The following TLDC2 variants were observed in gnomAD, a reference collection of about 807,000 sequenced individuals.
TLDC2 encodes the protein TBC/LysM-associated domain containing 2, also known as TLD domain-containing protein 2.
A neutral mutation model predicts 27.9 loss-of-function variants in TLDC2; 23 were observed. That is an observed-to-expected ratio of 0.82 (90% CI 0.59 to 1.17). The LOEUF (loss-of-function observed/expected upper bound fraction) is 1.17. TLDC2 is among the 50% of genes most tolerant of loss of function. The pLI is 0.00. For synonymous variants in TLDC2, 124 were observed against 107.4 expected, an observed-to-expected ratio of 1.16 and a Z score of -0.96; for missense variants, 286 against 273.4, an observed-to-expected ratio of 1.05 and a Z score of -0.32.
chr20:36,880,596 G>C, intron 3 of TLDC2, 59 bp from the exon 4 acceptor site: 1 of 1,433,646 alleles, frequency 7.0e-7, no homozygotes, highest in Non-Finnish European at 9.8e-7. Context: ...TGAAGAATGA[G>C]GGTTGCCAGA....
At chr20:36,885,593 T>C (rs772036834) in intron 4 of TLDC2, among the ~76,000 whole-genome samples, 2 of 152,222 alleles carry the variant, frequency 1.3e-5, no homozygotes, top group African/African-American at 2.4e-5. Context: ...TGTCCCCTTG[T>C]GGTCACTTGT....
At chr20:36,880,077 A>ATATATATATATGTG (rs1234270611) in intron 3 of TLDC2, among the ~76,000 whole-genome samples, 1 of 40,486 alleles carries the variant, frequency 2.5e-5, no homozygotes, top group African/African-American at 5.9e-5. Flanking sequence ...ATACATATAT[A>ATATATATATATGTG]TATATATATA....
At chr20:36,878,353 G>C (rs1187455134) in intron 2 of TLDC2, among the ~76,000 whole-genome samples, 1 of 152,196 alleles carries the variant, frequency 6.6e-6, no homozygotes, top group Non-Finnish European at 1.5e-5. Flanking sequence ...GGCGAAGGCA[G>C]GGGGATCGCT....
At chr20:36,880,520 C>A in intron 3 of TLDC2, 135 bp from the exon 4 acceptor site, 3 of 645,400 alleles carry the variant, frequency 4.6e-6, no homozygotes, top group Non-Finnish European at 8.1e-6. Context: ...GGGTGTGGAG[C>A]CCCCATGCCC....
intron 4 of TLDC2, among the ~76,000 whole-genome samples, chr20:36,884,355 C>T (rs1989875786): frequency 1.3e-5 from 2 of 152,190 alleles, no homozygotes; most frequent in African/African-American, 4.8e-5. Context: ...ACGTGCTATT[C>T]TGCCTAGAAT....
chr20:36,891,917 GC>G (rs1227158535), intron 6 of TLDC2: 1 of 152,426 alleles, frequency 6.6e-6, no homozygotes, highest in Admixed American at 6.5e-5. Context: ...GGTCTGAGGA[GC>G]TCTGAGGATG....
intron 4 of TLDC2, among the ~76,000 whole-genome samples, chr20:36,881,111 G>A (rs1216951850): frequency 2.0e-5 from 3 of 152,302 alleles, no homozygotes; most frequent in Admixed American, 1.3e-4. Flanking sequence ...GCCAGGCACC[G>A]TGGCTCATGC....
chr20:36,877,178 C>T (rs952151876), intron 1 of TLDC2, among the ~76,000 whole-genome samples: 4 of 151,946 alleles, frequency 2.6e-5, no homozygotes, highest in African/African-American at 7.3e-5. Context: ...GTCAGGAGTT[C>T]GAGACCAGCC....
At chr20:36,891,052 A>G (rs1391630618) in intron 6 of TLDC2, 3 of 152,194 alleles carry the variant, frequency 2.0e-5, no homozygotes, top group Non-Finnish European at 4.4e-5. Flanking sequence ...ACCCCTATAG[A>G]GGCACCTTGG....
Position 36,879,083 on chromosome 20 carries a change from A to G in TLDC2, c.232A>G (p.Ser78Gly). The change falls in exon 3 of 7, where the codon AGT becomes GGT. Residue 78 changes from serine to glycine, a missense_variant. Ser to Gly is a moderately conservative substitution (Grantham distance 56). Transcript: ENST00000217320. ...ACCAAGAGTCACCGGCCATCCCTGGAGTCTGGTCTTCTGCACGTCAAGGGA... is the reference window on the plus strand; with the variant it reads ...ACCAAGAGTCACCGGCCATCCCTGGGGTCTGGTCTTCTGCACGTCAAGGGA... ...FPPRVTGHPW[S>G]LVFCTSRDGF... 1 of 1,614,086 alleles carries G rather than the reference A, an allele frequency of 6.2e-7. No homozygotes were observed. The highest frequency in any genetic ancestry group is 8.5e-7 in the Non-Finnish European group (1 of 1,180,004).
In TLDC2 at chr20:36,889,407, C is replaced by T. The variant is rs1990005691; in HGVS notation, c.*17+4C>T. Reference sequence around the variant, plus strand: ...GCTGACAGCCCTGCGGCAACAGGTACTCAGCCCTGCTCATGATGCCACCCA... The same window carrying T: ...GCTGACAGCCCTGCGGCAACAGGTATTCAGCCCTGCTCATGATGCCACCCA... On this transcript the variant is annotated splice_donor_region_variant and intron_variant, in intron 6 of 6. Transcript: ENST00000217320. The T allele has an allele frequency of 1.2e-6, 2 of 1,610,468 alleles. No individual in the cohort carries two copies. The highest frequency in any genetic ancestry group is 2.7e-5 in the African/African-American group (2 of 74,890).
chr20:36,879,569 G>A (rs1481170428), intron 3 of TLDC2, among the ~76,000 whole-genome samples: 2 of 152,048 alleles, frequency 1.3e-5, no homozygotes, highest in African/African-American at 2.4e-5. Context: ...TGCTGGGCAC[G>A]GTGGCTCACA....
chr20:36,890,772 T>G (rs1990056076), intron 6 of TLDC2: 1 of 152,124 alleles, frequency 6.6e-6, no homozygotes, highest in African/African-American at 2.4e-5. Context: ...CCACCTCGCC[T>G]GGCCAAGAAA....
chr20:36,890,414 C>CTTTCTTTCTTTCTTTCTTTCTTTCT (rs1555830169), intron 6 of TLDC2: 7 of 149,990 alleles, frequency 4.7e-5, no homozygotes, highest in African/African-American at 1.2e-4. Context: ...TTCTTTCTTT[C>CTTTCTTTCTTTCTTTCTTTCTTTCT]TTTCTTTTCT....
chr20:36,884,199 A>G (rs1989872294), intron 4 of TLDC2, among the ~76,000 whole-genome samples: 1 of 152,144 alleles, frequency 6.6e-6, no homozygotes, highest in Non-Finnish European at 1.5e-5. Flanking sequence ...AGTGTGTCCA[A>G]TGATCTACAA....
chr20:36,880,809 G>T (rs1419982371), intron 4 of TLDC2, 59 bp downstream of exon 4: 9 of 1,496,050 alleles, frequency 6.0e-6, no homozygotes, highest in Non-Finnish European at 8.4e-6. Context: ...AAGCTCCCGG[G>T]GTCCCAGTGG....
At chr20:36,887,231 G>A (rs1283625873) in intron 4 of TLDC2, among the ~76,000 whole-genome samples, 1 of 152,072 alleles carries the variant, frequency 6.6e-6, no homozygotes, top group East Asian at 1.9e-4. Flanking sequence ...GAACAAAGAG[G>A]CTTCTAGGCT....
chr20:36,885,644 T>G (rs773093505), intron 4 of TLDC2, among the ~76,000 whole-genome samples: 1 of 152,216 alleles, frequency 6.6e-6, no homozygotes, highest in Non-Finnish European at 1.5e-5. Context: ...ACGTATCTTT[T>G]ATTAGTCTGT....
rs543422947 is a variant in TLDC2, at chr20:36,879,096, G to T, written c.245G>T (p.Cys82Phe). 20 of 1,614,162 alleles carry T rather than the reference G, an allele frequency of 1.2e-5. No individual in the cohort carries two copies. In the East Asian group the frequency reaches 2.9e-4, roughly 23 times the overall value. Residue 82 changes from cysteine (C) to phenylalanine (F), a missense_variant, in exon 3 of 7, where the codon TGC becomes TTC. Coordinates refer to ENST00000217320, the MANE Select transcript of TLDC2 (RefSeq NM_080628.3). Reference protein sequence around the residue: ...VTGHPWSLVFCTSRDGFSLQS... With the variant: ...VTGHPWSLVFFTSRDGFSLQS... ...GGCCATCCCTGGAGTCTGGTCTTCT[G>T]CACGTCAAGGGACGGTTTCAGCCTG...
Sources: allele counts gnomAD v4.1 joint callset (sites outside exome capture counted in the v4.1 genomes callset), GRCh38; gene constraint gnomAD v4.1.1; transcripts MANE v1.5; gene names NCBI Gene and HGNC (gene_info 2026-07-23, HGNC 2026-07-21).